The following PAK5 variants were observed in gnomAD, a reference collection of about 807,000 sequenced individuals.
PAK5 encodes p21 (RAC1) activated kinase 5.
A neutral mutation model predicts 65.9 loss-of-function variants in PAK5; 16 were observed. That is an observed-to-expected ratio of 0.24 (90% CI 0.16 to 0.37). PAK5 has a LOEUF of 0.37. Among genes scored for constraint, PAK5 ranks in the 10% least tolerant of loss-of-function variants. The pLI is 1.00. For missense variants in PAK5, 785 were observed against 903.9 expected (o/e 0.87, Z 1.69); for synonymous variants, 371 against 354.9 (o/e 1.05, Z -0.51).
At chr20:9,768,299 G>A (rs1000659149) in intron 1 of PAK5, among the ~76,000 whole-genome samples, 2 of 151,898 alleles carry the variant, frequency 1.3e-5, no homozygotes, top group East Asian at 3.9e-4. Context: ...TAAACATCGA[G>A]CACACATGGA....
At chr20:9,590,293 T>C (rs1328740132) in intron 3 of PAK5, among the ~76,000 whole-genome samples, 1 of 152,170 alleles carries the variant, frequency 6.6e-6, no homozygotes, top group Non-Finnish European at 1.5e-5. Context: ...AATGTGCTAC[T>C]AGGAAATGTA....
chr20:9,598,996 G>T (rs571641804), intron 3 of PAK5, among the ~76,000 whole-genome samples: 2 of 151,914 alleles, frequency 1.3e-5, no homozygotes, highest in African/African-American at 4.8e-5. Flanking sequence ...ATCATCTCAC[G>T]TAGAAACTTT....
rs944694845 is a variant in PAK5 at position 9,619,425 on chromosome 20, A to C, written c.204+24700T>G. On this transcript the variant is annotated intron_variant, in intron 3 of 9. Transcript: ENST00000353224. ...AGACACACTTGGCAACCCTGGCCACACTTCTCTTACCCCTTTTCACTGCCC... is the reference window on the plus strand; with the variant it reads ...AGACACACTTGGCAACCCTGGCCACCCTTCTCTTACCCCTTTTCACTGCCC... Among the ~76,000 whole-genome samples, 5 of 152,296 alleles carry C rather than the reference A, an allele frequency of 3.3e-5. No individual in the cohort carries two copies. In the East Asian group the frequency reaches 9.6e-4, roughly 29 times the overall value.
chr20:9,747,458 C>T lies in PAK5; in HGVS notation c.-161-36023G>A, dbSNP rs922100404. ...TCAGTAAAATACTGGCAAACCGAAT[C>T]CAGCAGCACATCAAAAAGCTTATCC... On this transcript the variant is annotated intron_variant, in intron 1 of 9. Coordinates refer to ENST00000353224, the MANE Select transcript of PAK5 (RefSeq NM_177990.4). Among the ~76,000 whole-genome samples, 18 of 151,680 alleles carry T rather than the reference C, an allele frequency of 1.2e-4. No homozygotes were observed. In the South Asian group the frequency reaches 1.3e-3, roughly 11 times the overall value.
intron 2 of PAK5, among the ~76,000 whole-genome samples, chr20:9,669,237 T>C (rs561863298): frequency 7.2e-5 from 11 of 152,278 alleles, no homozygotes; most frequent in Non-Finnish European, 1.3e-4. Context: ...AAAGTGTATT[T>C]AGGATGGTTT....
intron 3 of PAK5, among the ~76,000 whole-genome samples, chr20:9,582,091 G>A (rs927048609): frequency 6.6e-6 from 1 of 152,034 alleles, no homozygotes; most frequent in African/African-American, 2.4e-5. Context: ...TTCTAGAATA[G>A]TTTTAGATTA....
At chr20:9,800,910 A>G (rs1345639516) in intron 1 of PAK5, among the ~76,000 whole-genome samples, 1 of 152,020 alleles carries the variant, frequency 6.6e-6, no homozygotes, top group African/African-American at 2.4e-5. Context: ...TGCCACAGAC[A>G]CCACCGAGAG....
intron 3 of PAK5, among the ~76,000 whole-genome samples, chr20:9,589,269 T>A (rs2046123931): frequency 6.6e-6 from 1 of 152,238 alleles, no homozygotes; most frequent in Non-Finnish European, 1.5e-5. Context: ...TAAAGAACTG[T>A]CTTCCTTGTT....
chr20:9,780,332 G>GA (rs1377057316), intron 1 of PAK5, among the ~76,000 whole-genome samples: 3 of 151,928 alleles, frequency 2.0e-5, no homozygotes, highest in South Asian at 2.1e-4. Flanking sequence ...ATTTACCAAG[G>GA]AAAAAATGTC....
chr20:9,690,175 C>G (rs903420732), intron 2 of PAK5, among the ~76,000 whole-genome samples: 3 of 152,138 alleles, frequency 2.0e-5, no homozygotes, highest in African/African-American at 7.2e-5. Context: ...GTGGTGGTCA[C>G]AGGAAGAAGA....
intron 1 of PAK5, among the ~76,000 whole-genome samples, chr20:9,735,403 C>T (rs537914017): frequency 6.6e-6 from 1 of 152,268 alleles, no homozygotes; most frequent in African/African-American, 2.4e-5. Flanking sequence ...TGTGAGGAAA[C>T]TACTTGAGGC....
chr20:9,618,915 G>GTTTTTTTTTTTTTTTTTTTT (rs150725498), intron 3 of PAK5, among the ~76,000 whole-genome samples: 1 of 18,816 alleles, frequency 5.3e-5, no homozygotes, highest in Non-Finnish European at 9.0e-5. Context: ...TCTTTCTTTC[G>GTTTTTTTTTTTTTTTTTTTT]TTTTTTTTTT....
intron 3 of PAK5, among the ~76,000 whole-genome samples, chr20:9,588,884 T>G (rs184384647): frequency 6.6e-6 from 1 of 152,286 alleles, no homozygotes; most frequent in East Asian, 1.9e-4. Flanking sequence ...AGGCTCCCAG[T>G]GACAGTGGCC....
At chr20:9,777,254 T>C (rs2048896368) in intron 1 of PAK5, among the ~76,000 whole-genome samples, 1 of 152,168 alleles carries the variant, frequency 6.6e-6, no homozygotes, top group African/African-American at 2.4e-5. Flanking sequence ...TTGGTAAGAC[T>C]GGTGATATGG....
chr20:9,728,386 C>G (rs1383761164), intron 1 of PAK5, among the ~76,000 whole-genome samples: 1 of 152,142 alleles, frequency 6.6e-6, no homozygotes, highest in Admixed American at 6.5e-5. Flanking sequence ...CTGTTTGCTA[C>G]TGGGGTGTCA....
rs369285686 is a variant in PAK5 at position 9,649,372 on chromosome 20, C to T, written c.-11-5033G>A. 5.9e-5 allele frequency among the ~76,000 whole-genome samples: 9 copies of T among 152,316 alleles called. No individual in the cohort carries two copies. In the East Asian group the frequency reaches 1.7e-3, roughly 29 times the overall value. On this transcript the variant is annotated intron_variant, in intron 2 of 9. Transcript: ENST00000353224. ...GTTTCTGAAAGTTTACTGCAAAACT[C>T]ACAGCAAACACTGCTTTGATGGATG... is the stretch of plus-strand genomic sequence containing the variant.
At chr20:9,549,361 T>C (rs1234542574) in intron 7 of PAK5, among the ~76,000 whole-genome samples, 1 of 152,016 alleles carries the variant, frequency 6.6e-6, no homozygotes, top group Admixed American at 6.6e-5. Flanking sequence ...AATAACCAGA[T>C]TAACGTAGGC....
At chr20:9,612,668 G>C (rs1413663672) in intron 3 of PAK5, among the ~76,000 whole-genome samples, 2 of 151,994 alleles carry the variant, frequency 1.3e-5, no homozygotes, top group Non-Finnish European at 2.9e-5. Context: ...CCAGGCCCAG[G>C]CTCCAACATG....
chr20:9,749,126 A>G (rs560649103), intron 1 of PAK5, among the ~76,000 whole-genome samples: 6 of 152,264 alleles, frequency 3.9e-5, no homozygotes, highest in Admixed American at 3.9e-4. Context: ...ATAACCCCAT[A>G]GCTGTGCACA....
Sources: allele counts gnomAD v4.1 joint callset (sites outside exome capture counted in the v4.1 genomes callset), GRCh38; gene constraint gnomAD v4.1.1; transcripts MANE v1.5; gene names NCBI Gene and HGNC (gene_info 2026-07-23, HGNC 2026-07-21).